Variants in SLC4A4 observed in about 807,000 individuals in gnomAD.
The protein encoded by SLC4A4 is solute carrier family 4 member 4, also known as electrogenic sodium bicarbonate cotransporter 1.
SLC4A4 carries 27 observed loss-of-function variants against 111.5 expected under a neutral mutation model. That is an observed-to-expected ratio of 0.24 (90% confidence interval 0.18 to 0.33). The LOEUF (loss-of-function observed/expected upper bound fraction) is 0.33, where lower values mean the gene tolerates loss of function less well. Among genes scored for constraint, SLC4A4 ranks in the 10% least tolerant of loss-of-function variants. The pLI, the probability that SLC4A4 is intolerant of heterozygous loss-of-function variation, is 1.00. For synonymous variants in SLC4A4, 443 were observed against 463.4 expected (o/e 0.96, Z 0.57); for missense variants, 909 against 1,315.5 (o/e 0.69, Z 4.78).
At chr4:71,238,747 A>G (rs1560803175) in intron 2 of SLC4A4, among the ~76,000 whole-genome samples, 2 of 152,192 alleles carry the variant, frequency 1.3e-5, no homozygotes, top group Non-Finnish European at 2.9e-5. Context: ...TTTGAAATGA[A>G]CAAAATTGTT....
intron 7 of SLC4A4, chr4:71,437,590 G>A (rs577189916): frequency 8.4e-5 from 44 of 522,024 alleles, no homozygotes; most frequent in Admixed American, 3.3e-4. Flanking sequence ...TTGAAGATCC[G>A]TTGTCTCACC....
chr4:71,249,411 C>G (rs1720902902), intron 2 of SLC4A4, among the ~76,000 whole-genome samples: 1 of 151,912 alleles, frequency 6.6e-6, no homozygotes. Flanking sequence ...GACCCTCATG[C>G]AAAATTTCAT....
intron 15 of SLC4A4, among the ~76,000 whole-genome samples, chr4:71,492,426 T>C (rs1730013841): frequency 6.6e-6 from 1 of 151,940 alleles, no homozygotes; most frequent in South Asian, 2.1e-4. Flanking sequence ...GAAAAAGATA[T>C]CTCAAAAAAT....
At chr4:71,565,646 C>A (rs538362635) in intron 24 of SLC4A4, among the ~76,000 whole-genome samples, 1 of 151,920 alleles carries the variant, frequency 6.6e-6, no homozygotes, top group East Asian at 2.0e-4. Flanking sequence ...CAAACCAAAG[C>A]AAAATGAAGT....
chr4:71,540,910 T>C (rs1300995980), intron 18 of SLC4A4, among the ~76,000 whole-genome samples: 2 of 152,138 alleles, frequency 1.3e-5, no homozygotes, highest in Non-Finnish European at 2.9e-5. Context: ...AATTAATTCA[T>C]TGAGATGAGG....
chr4:71,373,941 C>T (rs1732110820), intron 6 of SLC4A4, among the ~76,000 whole-genome samples: 1 of 152,128 alleles, frequency 6.6e-6, no homozygotes, highest in Non-Finnish European at 1.5e-5. Flanking sequence ...CATTCATGGG[C>T]ACAGGTGCTG....
chr4:71,429,352 C>T (rs187198427), intron 7 of SLC4A4, among the ~76,000 whole-genome samples: 12 of 152,104 alleles, frequency 7.9e-5, no homozygotes, highest in Admixed American at 5.9e-4. Context: ...TCAGGTTAAG[C>T]GACCTCTTAT....
At chr4:71,397,487 A>G in intron 6 of SLC4A4, 90 bp from the exon 7 acceptor site, 2 of 1,108,526 alleles carry the variant, frequency 1.8e-6, no homozygotes, top group South Asian at 1.2e-5. Context: ...CATTTCCATC[A>G]TCATCTACTA....
intron 2 of SLC4A4, among the ~76,000 whole-genome samples, chr4:71,143,520 C>T (rs1431421919): frequency 6.6e-6 from 1 of 152,192 alleles, no homozygotes; most frequent in African/African-American, 2.4e-5. Context: ...TGAGGAATCA[C>T]CACACCGACT....
intron 18 of SLC4A4, among the ~76,000 whole-genome samples, chr4:71,535,767 G>T (rs1479441381): frequency 6.6e-6 from 1 of 152,038 alleles, no homozygotes; most frequent in Non-Finnish European, 1.5e-5. Context: ...AGGGCAGAAT[G>T]AAGAATAACT....
At chr4:71,177,343 G>A (rs926929459) in intron 2 of SLC4A4, among the ~76,000 whole-genome samples, 14 of 152,160 alleles carry the variant, frequency 9.2e-5, no homozygotes, top group African/African-American at 2.7e-4. Flanking sequence ...AACCTTAAAT[G>A]TAAATGGGCT....
chr4:71,358,037 G>A (rs555790060), intron 6 of SLC4A4, among the ~76,000 whole-genome samples: 4 of 152,236 alleles, frequency 2.6e-5, no homozygotes, highest in South Asian at 4.1e-4. Flanking sequence ...AGATGAGGCC[G>A]GGCGCGGTGG....
At chr4:71,187,624 A>C (rs1745534734) in intron 1 of SLC4A4, among the ~76,000 whole-genome samples, 1 of 151,906 alleles carries the variant, frequency 6.6e-6, no homozygotes, top group African/African-American at 2.4e-5. Flanking sequence ...TTTCCTTCTT[A>C]GGGTTTAGAG....
chr4:71,263,034 C>G (rs564987121), intron 3 of SLC4A4, among the ~76,000 whole-genome samples: 17 of 143,028 alleles, frequency 1.2e-4, no homozygotes, highest in African/African-American at 4.2e-4. Flanking sequence ...CCACAACAGG[C>G]CCCGGTGTGT....
At chr4:71,125,700 A>T (rs1243892730) in intron 2 of SLC4A4, among the ~76,000 whole-genome samples, 1 of 152,252 alleles carries the variant, frequency 6.6e-6, no homozygotes, top group Non-Finnish European at 1.5e-5. Context: ...TGGAGATTTT[A>T]GTTAATGGTA....
At chr4:71,492,513 C>G (rs917103340) in intron 15 of SLC4A4, among the ~76,000 whole-genome samples, 1 of 151,826 alleles carries the variant, frequency 6.6e-6, no homozygotes, top group Admixed American at 6.6e-5. Flanking sequence ...AAATCTTTTC[C>G]CCCAGTACCC....
intron 18 of SLC4A4, among the ~76,000 whole-genome samples, chr4:71,534,889 T>C (rs891130070): frequency 6.6e-6 from 1 of 152,112 alleles, no homozygotes; most frequent in African/African-American, 2.4e-5. Flanking sequence ...GGGAGAAAAA[T>C]GCTTTATTTT....
chr4:71,543,325 G>A (rs1735231415), intron 18 of SLC4A4, among the ~76,000 whole-genome samples: 1 of 152,080 alleles, frequency 6.6e-6, no homozygotes, highest in South Asian at 2.1e-4. Context: ...GGCAGACCAG[G>A]TAGGGCCTTC....
intron 3 of SLC4A4, among the ~76,000 whole-genome samples, chr4:71,265,657 A>G (rs1722189264): frequency 6.6e-6 from 1 of 152,162 alleles, no homozygotes; most frequent in African/African-American, 2.4e-5. Context: ...ACCGGTTTCA[A>G]GTGGCCTCTA....
Sources: gnomAD v4.1 joint callset for allele counts (sites outside exome capture counted in the v4.1 genomes callset) on GRCh38, gnomAD v4.1.1 for gene constraint, MANE v1.5 for transcripts, NCBI Gene and HGNC (gene_info 2026-07-23, HGNC 2026-07-21) for gene names.